Variants in PLCXD3 observed in about 807,000 individuals in gnomAD.
PLCXD3 encodes the protein PI-PLC X domain-containing protein 3.
Under a neutral mutation model 25.5 loss-of-function variants are expected in PLCXD3, and 19 were observed. The observed-to-expected ratio is 0.75, with a 90% CI of 0.52 to 1.09. The LOEUF (loss-of-function observed/expected upper bound fraction) is 1.09. PLCXD3 is among the 50% of genes least tolerant of loss of function. The pLI is 0.00. For synonymous variants in PLCXD3, 174 were observed against 137.6 expected (o/e 1.26, Z -1.85); for missense variants, 411 against 388.1 (o/e 1.06, Z -0.50).
intron 1 of PLCXD3, among the ~76,000 whole-genome samples, chr5:41,397,759 A>G (rs1746053974): frequency 6.6e-6 from 1 of 152,182 alleles, no homozygotes. Flanking sequence ...ATGTGGAACT[A>G]CCAATGCCTT....
At chr5:41,407,606 A>C (rs1376534110) in intron 1 of PLCXD3, among the ~76,000 whole-genome samples, 1 of 152,232 alleles carries the variant, frequency 6.6e-6, no homozygotes, top group Non-Finnish European at 1.5e-5. Flanking sequence ...AAGAGATTTT[A>C]TGTCATTAAA....
At chr5:41,380,670 T>C (rs1745431628) in intron 2 of PLCXD3, among the ~76,000 whole-genome samples, 6 of 152,160 alleles carry the variant, frequency 3.9e-5, no homozygotes. Flanking sequence ...TCTTTTCTCT[T>C]CATCTTTTGT....
intron 1 of PLCXD3, among the ~76,000 whole-genome samples, chr5:41,458,108 A>G (rs1047654102): frequency 6.6e-6 from 1 of 151,870 alleles, no homozygotes; most frequent in Non-Finnish European, 1.5e-5. Flanking sequence ...TTTAACCTGC[A>G]TGTGTTTTCC....
In PLCXD3 at chr5:41,410,288, C is replaced by T. The variant is rs181103433; in HGVS notation, c.104-27754G>A. ...CTGAGTAGCTGGGACTACAGGCGTG[C>T]GCCCCCACGCCTGGCTAATTTTTTT... On this transcript the variant is annotated intron_variant, in intron 1 of 2. Transcript: ENST00000377801. 3.8e-4 allele frequency among the ~76,000 whole-genome samples: 58 copies of T among 151,848 alleles called. No homozygotes were observed. The East Asian group carries it at 9.9e-3, about 26-fold the overall frequency.
intron 1 of PLCXD3, among the ~76,000 whole-genome samples, chr5:41,436,278 T>C (rs1463921662): frequency 6.6e-6 from 1 of 151,954 alleles, no homozygotes; most frequent in Non-Finnish European, 1.5e-5. Context: ...CCTATAAATA[T>C]GTATTGATAC....
intron 1 of PLCXD3, among the ~76,000 whole-genome samples, chr5:41,489,502 T>C (rs1285395431): frequency 2.0e-5 from 3 of 152,186 alleles, no homozygotes; most frequent in Admixed American, 6.5e-5. Context: ...TGGCCTTGAA[T>C]CTGTAAATTA....
intron 1 of PLCXD3, among the ~76,000 whole-genome samples, chr5:41,476,625 C>T (rs1454375950): frequency 6.6e-6 from 1 of 152,212 alleles, no homozygotes; most frequent in Non-Finnish European, 1.5e-5. Flanking sequence ...TGTCTTCTCC[C>T]AGACTTTGTT....
chr5:41,396,585 C>T (rs1746014658), intron 1 of PLCXD3, among the ~76,000 whole-genome samples: 1 of 152,164 alleles, frequency 6.6e-6, no homozygotes, highest in Non-Finnish European at 1.5e-5. Flanking sequence ...AATGTGGAAG[C>T]CACCTTAGAA....
At chr5:41,430,544 CT>C (rs1747071519) in intron 1 of PLCXD3, among the ~76,000 whole-genome samples, 1 of 152,164 alleles carries the variant, frequency 6.6e-6, no homozygotes, top group South Asian at 2.1e-4. Flanking sequence ...ATACAAAATG[CT>C]TCACAAGCAT....
At chr5:41,375,840 T>TA (rs1403109090) in intron 2 of PLCXD3, among the ~76,000 whole-genome samples, 1 of 152,266 alleles carries the variant, frequency 6.6e-6, no homozygotes, top group East Asian at 1.9e-4. Context: ...GCATGGGACT[T>TA]AGAGTCAAAC....
intron 1 of PLCXD3, among the ~76,000 whole-genome samples, chr5:41,438,045 G>T (rs1397719675): frequency 1.3e-5 from 2 of 152,074 alleles, no homozygotes; most frequent in Admixed American, 6.6e-5. Context: ...CACTTACTTG[G>T]GAAAAAATTC....
At chr5:41,485,649 A>G (rs1019272240) in intron 1 of PLCXD3, among the ~76,000 whole-genome samples, 5 of 152,196 alleles carry the variant, frequency 3.3e-5, no homozygotes, top group African/African-American at 1.2e-4. Context: ...ACAAAGCACC[A>G]TGCTGCAGAT....
In PLCXD3 at chr5:41,366,760, G is replaced by A. The variant is rs372905766; in HGVS notation, c.812+15066C>T. 3.9e-5 allele frequency among the ~76,000 whole-genome samples: 6 copies of A among 152,120 alleles called. No homozygotes were observed. In the East Asian group the frequency reaches 1.2e-3, roughly 29 times the overall value. ...TGATGCACAGATCAATCCATCACTAGGTATTAAGCCCAGCAAGCATTAGCT... is the reference window on the plus strand; with the variant it reads ...TGATGCACAGATCAATCCATCACTAAGTATTAAGCCCAGCAAGCATTAGCT... On this transcript the variant is annotated intron_variant, in intron 2 of 2. Transcript: ENST00000377801.
intron 1 of PLCXD3, among the ~76,000 whole-genome samples, chr5:41,419,454 C>T (rs1225252716): frequency 6.6e-6 from 1 of 152,094 alleles, no homozygotes; most frequent in Non-Finnish European, 1.5e-5. Context: ...AACAACATAT[C>T]ATATAGCAAG....
chr5:41,403,970 A>T (rs1198187330), intron 1 of PLCXD3, among the ~76,000 whole-genome samples: 1 of 152,150 alleles, frequency 6.6e-6, no homozygotes, highest in African/African-American at 2.4e-5. Flanking sequence ...TTTTCTTTTT[A>T]AAAATCAAAG....
chr5:41,366,746 T>C (rs1247706255), intron 2 of PLCXD3, among the ~76,000 whole-genome samples: 1 of 152,164 alleles, frequency 6.6e-6, no homozygotes, highest in African/African-American at 2.4e-5. Flanking sequence ...GATGCACAGA[T>C]CAATCCATCA....
chr5:41,382,550 G>A lies in PLCXD3; in HGVS notation c.104-16C>T, dbSNP rs777263561. On this transcript the variant is annotated splice_polypyrimidine_tract_variant and intron_variant, in intron 1 of 2. Transcript: ENST00000377801. The stretch of plus-strand genomic sequence containing the variant: ...TCATGAGACCCTAGGAGAATAACAA[G>A]GCATAGTGTGGTTAATTTCCACGTC... The A allele has an allele frequency of 1.9e-6, 3 of 1,544,478 alleles. No homozygotes were observed. The highest frequency in any genetic ancestry group is 2.8e-5 in the African/African-American group (2 of 72,588).
At chr5:41,433,002 G>T (rs1180683704) in intron 1 of PLCXD3, among the ~76,000 whole-genome samples, 3 of 152,178 alleles carry the variant, frequency 2.0e-5, no homozygotes, top group African/African-American at 4.8e-5. Context: ...TTAATTTCAA[G>T]GTCCTGGAAC....
intron 2 of PLCXD3, among the ~76,000 whole-genome samples, chr5:41,360,967 A>T (rs1299800561): frequency 6.6e-6 from 1 of 152,058 alleles, no homozygotes; most frequent in Non-Finnish European, 1.5e-5. Context: ...TAGAGCTCCT[A>T]AGAGGTTATG....
Sources: gnomAD v4.1 joint callset for allele counts (sites outside exome capture counted in the v4.1 genomes callset) on GRCh38, gnomAD v4.1.1 for gene constraint, MANE v1.5 for transcripts, NCBI Gene and HGNC (gene_info 2026-07-23, HGNC 2026-07-21) for gene names.